NTM: variants seen among roughly 807,000 people sequenced by gnomAD.
NTM encodes neurotrimin, also known as IgLON family member 2.
Under a neutral mutation model 42.1 loss-of-function variants are expected in NTM, and 13 were observed. The ratio of observed to expected loss-of-function variants is 0.31; its 90% CI spans 0.20 to 0.49. The LOEUF (loss-of-function observed/expected upper bound fraction) is 0.49. NTM is among the 20% of genes least tolerant of loss of function. The pLI is 0.99. For missense variants in NTM, 373 were observed against 452.8 expected (o/e 0.82, Z 1.60); for synonymous variants, 187 against 179.2 (o/e 1.04, Z -0.35).
intron 1 of NTM, among the ~76,000 whole-genome samples, chr11:131,420,318 G>A (rs77952528): frequency 1.3e-5 from 2 of 152,246 alleles, no homozygotes; most frequent in East Asian, 1.9e-4. Context: ...GAGGGGCCAC[G>A]AGACAAAGCA....
At chr11:131,652,071 G>A (rs1254177855) in intron 1 of NTM, among the ~76,000 whole-genome samples, 3 of 134,256 alleles carry the variant, frequency 2.2e-5, no homozygotes, top group African/African-American at 5.6e-5. Flanking sequence ...TTGGGAGCAT[G>A]TCACTCGAGT....
intron 2 of NTM, among the ~76,000 whole-genome samples, chr11:131,925,325 T>A (rs191725147): frequency 2.6e-5 from 4 of 152,008 alleles, no homozygotes; most frequent in Non-Finnish European, 5.9e-5. Context: ...CTCAAAAATG[T>A]TAAAGAGAAA....
intron 1 of NTM, among the ~76,000 whole-genome samples, chr11:131,396,236 G>A (rs1034448305): frequency 1.3e-5 from 2 of 152,148 alleles, no homozygotes; most frequent in African/African-American, 2.4e-5. Flanking sequence ...CTACAAAACG[G>A]GGTCCATATC....
intron 2 of NTM, among the ~76,000 whole-genome samples, chr11:132,076,257 A>G (rs138622902): frequency 0.014 from 2,142 of 152,316 alleles, 51 homozygotes; most frequent in African/African-American, 0.049. Context: ...TGTGGACTAC[A>G]CTATTACTGC....
At chr11:131,633,571 ACCTCTCCATCTCTCTC>A (rs2063891923) in intron 1 of NTM, among the ~76,000 whole-genome samples, 3 of 68,474 alleles carry the variant, frequency 4.4e-5, no homozygotes, top group Non-Finnish European at 6.2e-5. Flanking sequence ...CTCTCTCTCT[ACCTCTCCATCTCTCTC>A]CCTCTCTCAC....
chr11:131,858,771 T>A (rs183162945), intron 1 of NTM, among the ~76,000 whole-genome samples: 10 of 152,330 alleles, frequency 6.6e-5, no homozygotes, highest in Non-Finnish European at 1.2e-4. Flanking sequence ...AGTGAAAGAC[T>A]AGCACATAAT....
At chr11:131,790,168 A>G (rs1461684055) in intron 1 of NTM, among the ~76,000 whole-genome samples, 1 of 152,138 alleles carries the variant, frequency 6.6e-6, no homozygotes, top group Non-Finnish European at 1.5e-5. Flanking sequence ...AATAAAAATT[A>G]TTTCATATGG....
chr11:132,319,932 A>G (rs761071779), intron 7 of NTM, among the ~76,000 whole-genome samples: 9 of 152,188 alleles, frequency 5.9e-5, no homozygotes, highest in Non-Finnish European at 1.0e-4. Flanking sequence ...CAGAGGAACA[A>G]TCAGGCAGCA....
At chr11:131,538,574 C>T in intron 1 of NTM, 1 of 152,460 alleles carries the variant, frequency 6.6e-6, no homozygotes. Flanking sequence ...AGTGCCTGAT[C>T]ACGGGGCTGG....
At chr11:132,317,762 C>A in intron 7 of NTM, 1 of 893,664 alleles carries the variant, frequency 1.1e-6, no homozygotes, top group Non-Finnish European at 1.6e-6. Flanking sequence ...CCCTGCTGTG[C>A]ATTACCCGAA....
At chr11:131,685,109 G>A (rs370796555) in intron 1 of NTM, among the ~76,000 whole-genome samples, 3 of 152,232 alleles carry the variant, frequency 2.0e-5, no homozygotes, top group African/African-American at 7.2e-5. Context: ...TTCCATAGGT[G>A]TCATGTGTAA....
intron 2 of NTM, among the ~76,000 whole-genome samples, chr11:131,970,991 G>T (rs2063456275): frequency 6.6e-6 from 1 of 152,094 alleles, no homozygotes. Flanking sequence ...GATTTATCAG[G>T]GCTGTCTTTC....
intron 2 of NTM, among the ~76,000 whole-genome samples, chr11:132,046,204 G>T (rs1566020890): frequency 6.6e-6 from 1 of 152,206 alleles, no homozygotes; most frequent in East Asian, 1.9e-4. Context: ...GCTCAGCACA[G>T]ACTGGACCAG....
At chr11:131,746,396 A>G (rs2081836461) in intron 1 of NTM, among the ~76,000 whole-genome samples, 2 of 152,296 alleles carry the variant, frequency 1.3e-5, no homozygotes, top group South Asian at 2.1e-4. Flanking sequence ...ACTTGTGTGT[A>G]GGAAAATGAT....
intron 1 of NTM, among the ~76,000 whole-genome samples, chr11:131,386,198 A>G (rs1386649438): frequency 6.6e-6 from 1 of 152,202 alleles, no homozygotes. Flanking sequence ...CCATTATGCT[A>G]AGTGAAATGA....
chr11:131,505,943 G>T (rs1868308), intron 1 of NTM, among the ~76,000 whole-genome samples: 21 of 151,938 alleles, frequency 1.4e-4, no homozygotes, highest in African/African-American at 5.1e-4. Flanking sequence ...ATGTAACAGT[G>T]TGCCTCTGTT....
At chr11:132,045,825 G>A (rs1053015400) in intron 2 of NTM, among the ~76,000 whole-genome samples, 5 of 152,168 alleles carry the variant, frequency 3.3e-5, no homozygotes, top group African/African-American at 1.2e-4. Flanking sequence ...AGAGACCCTG[G>A]AACTGGTGAC....
At chr11:132,311,195 G>A (rs908603819) in intron 6 of NTM, among the ~76,000 whole-genome samples, 6 of 152,130 alleles carry the variant, frequency 3.9e-5, no homozygotes, top group Non-Finnish European at 8.8e-5. Context: ...AGCCAGCCTT[G>A]GCTTTGTTTC....
chr11:131,536,175 C>A (rs1326586667), intron 1 of NTM: 1 of 152,196 alleles, frequency 6.6e-6, no homozygotes, highest in African/African-American at 2.4e-5. Flanking sequence ...TCAGGTTGGG[C>A]AGAAGAGATG....
Sources: allele counts gnomAD v4.1 joint callset (sites outside exome capture counted in the v4.1 genomes callset), GRCh38; gene constraint gnomAD v4.1.1; transcripts MANE v1.5; gene names NCBI Gene and HGNC (gene_info 2026-07-23, HGNC 2026-07-21).